Variants in KANSL1 observed in about 807,000 individuals in gnomAD.
KANSL1 encodes the protein MLL1/MLL complex subunit KANSL1.
In KANSL1, 22 loss-of-function variants were observed where a neutral mutation model predicts 103.6. The observed-to-expected ratio is 0.21, with a 90% confidence interval of 0.15 to 0.30. KANSL1 has a LOEUF of 0.30. Among genes scored for constraint, KANSL1 ranks in the 10% least tolerant of loss-of-function variants. The pLI is 1.00. For missense variants in KANSL1, 1,337 were observed against 1,399.8 expected (o/e 0.96, Z 0.72); for synonymous variants, 600 against 527.6 (o/e 1.14, Z -1.88).
intron 4 of KANSL1, among the ~76,000 whole-genome samples, chr17:46,081,568 T>C (rs1281101992): frequency 6.6e-6 from 1 of 152,220 alleles, no homozygotes; most frequent in African/African-American, 2.4e-5. Flanking sequence ...GAGAGATCTT[T>C]CCAAGATCTA....
intron 2 of KANSL1, among the ~76,000 whole-genome samples, chr17:46,119,237 T>G (rs2043174513): frequency 6.6e-6 from 1 of 152,120 alleles, no homozygotes; most frequent in Non-Finnish European, 1.5e-5. Flanking sequence ...GTCAAGGGGT[T>G]AGGTCATTTG....
At chr17:46,187,353 G>A (rs2047081940) in intron 1 of KANSL1, among the ~76,000 whole-genome samples, 1 of 152,202 alleles carries the variant, frequency 6.6e-6, no homozygotes, top group African/African-American at 2.4e-5. Flanking sequence ...TAAGTTTGAT[G>A]TCACTCAAGC....
intron 6 of KANSL1, among the ~76,000 whole-genome samples, chr17:46,060,562 T>C (rs1279574264): frequency 2.0e-5 from 3 of 152,216 alleles, no homozygotes; most frequent in Admixed American, 1.3e-4. Flanking sequence ...CATGGCATGC[T>C]TGCTCCTTTC....
At chr17:46,189,267 A>C (rs540927355) in intron 1 of KANSL1, among the ~76,000 whole-genome samples, 2 of 152,088 alleles carry the variant, frequency 1.3e-5, no homozygotes, top group Non-Finnish European at 2.9e-5. Context: ...ACCACTCAAT[A>C]AGATTTACTC....
chr17:46,222,204 T>C (rs1329764599), intron 1 of KANSL1: 2 of 149,726 alleles, frequency 1.3e-5, no homozygotes, highest in Non-Finnish European at 3.0e-5. Flanking sequence ...CAGAGACCTC[T>C]AGTAGAACTT....
At chr17:46,125,057 AGGAGGGAGGGAGGAG>A (rs1283136313) in intron 2 of KANSL1, among the ~76,000 whole-genome samples, 1 of 40,600 alleles carries the variant, frequency 2.5e-5, no homozygotes, top group Non-Finnish European at 4.6e-5. Flanking sequence ...GGAGGGAGGG[AGGAGGGAGGGAGGAG>A]GGAGGGAGGG....
Position 46,031,557 on chromosome 17 carries a change from C to A in KANSL1, c.3237G>T (p.Ala1079=), listed in dbSNP as rs747976314. 1 of 1,614,030 alleles carries A rather than the reference C, an allele frequency of 6.2e-7. No homozygotes were observed. Among genetic ancestry groups the A allele is most frequent in the African/African-American group, 1.3e-5 (1 of 75,036 alleles). The change falls in exon 15 of 15, where the codon GCG becomes GCT. Residue 1079 remains alanine (A), a synonymous_variant. Coordinates refer to ENST00000432791, the MANE Select transcript of KANSL1 (RefSeq NM_015443.4). ...GGGGGACAATGGGAGGCGAGGTGGGCGCTGCCTCTGTCTCCCGGCCAGTCT... is the reference window on the plus strand; with the variant it reads ...GGGGGACAATGGGAGGCGAGGTGGGAGCTGCCTCTGTCTCCCGGCCAGTCT... ...GSKTGRETEA[A]PTSPPIVPLK... is the part of the protein sequence containing the mutation.
At position 46,151,455 on chromosome 17, in the gene KANSL1, T is replaced by C. The variant is rs117466906; in HGVS notation, c.1289+19400A>G. Among the ~76,000 whole-genome samples the C allele has an allele frequency of 4.6e-5, 7 of 152,364 alleles. No individual in the cohort carries two copies. In the East Asian group the frequency reaches 1.4e-3, roughly 29 times the overall value. ...GCTTTCCCTGACCACCCTATTAATATAGACATCTCTCTCCCATAACCATCA... is the reference window on the plus strand; with the variant it reads ...GCTTTCCCTGACCACCCTATTAATACAGACATCTCTCTCCCATAACCATCA... On this transcript the variant is annotated intron_variant, in intron 2 of 14. Transcript: ENST00000432791.
chr17:46,040,960 G>A (rs959598891), intron 7 of KANSL1: 16 of 152,216 alleles, frequency 1.1e-4, no homozygotes, highest in African/African-American at 3.1e-4. Flanking sequence ...AAGACAGGAA[G>A]ATGAGGGAAA....
chr17:46,130,187 C>CAAAAAAA (rs35017603), intron 2 of KANSL1, among the ~76,000 whole-genome samples: 9 of 75,456 alleles, frequency 1.2e-4, no homozygotes, highest in Non-Finnish European at 1.6e-4. Flanking sequence ...ATCCTGTCTC[C>CAAAAAAA]AAAAAAAAAA....
chr17:46,101,569 G>A (rs1459035269), intron 2 of KANSL1, among the ~76,000 whole-genome samples: 1 of 151,976 alleles, frequency 6.6e-6, no homozygotes, highest in East Asian at 1.9e-4. Flanking sequence ...GACTAACATA[G>A]TGAAACCCCG....
chr17:46,074,683 A>G lies in KANSL1; in HGVS notation c.1534-7016T>C, dbSNP rs566448445. Among the ~76,000 whole-genome samples the G allele has an allele frequency of 2.6e-5, 4 of 152,040 alleles. No homozygotes were observed. The East Asian group carries it at 7.7e-4, about 29-fold the overall frequency. ...TTGGGAGGCTGAGAGATGGGAGGAT[A>G]GCTGAGCCAGGGAGGTGAAGGCTGG... On this transcript the variant is annotated intron_variant, in intron 4 of 14. Coordinates refer to ENST00000432791, the MANE Select transcript of KANSL1 (RefSeq NM_015443.4).
chr17:46,167,434 CCTT>C (rs527422221), intron 2 of KANSL1, among the ~76,000 whole-genome samples: 2 of 152,228 alleles, frequency 1.3e-5, no homozygotes, highest in Non-Finnish European at 2.9e-5. Flanking sequence ...CATGCAGCTT[CCTT>C]CTTAATCCCA....
chr17:46,195,512 AC>A (rs1200295671), upstream of KANSL1, among the ~76,000 whole-genome samples: 1 of 152,254 alleles, frequency 6.6e-6, no homozygotes, highest in Non-Finnish European at 1.5e-5. Context: ...AAATCAGTCA[AC>A]CTGTTGTATA....
At chr17:46,107,066 A>G (rs1408683543) in intron 2 of KANSL1, among the ~76,000 whole-genome samples, 1 of 152,204 alleles carries the variant, frequency 6.6e-6, no homozygotes, top group African/African-American at 2.4e-5. Context: ...ACACTATCCA[A>G]CCGAAAGAAG....
At chr17:46,214,513 G>T (rs2048279239) in intron 1 of KANSL1, among the ~76,000 whole-genome samples, 1 of 152,240 alleles carries the variant, frequency 6.6e-6, no homozygotes. Context: ...AATTAGCTGG[G>T]CGTGGTGGCA....
intron 4 of KANSL1, among the ~76,000 whole-genome samples, chr17:46,079,851 C>T (rs2078917740): frequency 6.6e-6 from 1 of 152,086 alleles, no homozygotes; most frequent in Non-Finnish European, 1.5e-5. Context: ...GTGGCACATG[C>T]CTGTAGTCCC....
At chr17:46,079,901 T>C (rs2078920184) in intron 4 of KANSL1, among the ~76,000 whole-genome samples, 1 of 151,870 alleles carries the variant, frequency 6.6e-6, no homozygotes, top group Non-Finnish European at 1.5e-5. Flanking sequence ...CACTTGAACC[T>C]GAGAGGTAGA....
intron 1 of KANSL1, among the ~76,000 whole-genome samples, chr17:46,201,461 T>C (rs1467595340): frequency 6.6e-6 from 1 of 152,246 alleles, no homozygotes; most frequent in Non-Finnish European, 1.5e-5. Context: ...TCTGAAACTT[T>C]TTGAGTGCCA....
Sources: gnomAD v4.1 joint callset for allele counts (sites outside exome capture counted in the v4.1 genomes callset) on GRCh38, gnomAD v4.1.1 for gene constraint, MANE v1.5 for transcripts, NCBI Gene and HGNC (gene_info 2026-07-23, HGNC 2026-07-21) for gene names.